The following DGLUCY variants were observed in gnomAD, a reference collection of about 807,000 sequenced individuals.
DGLUCY encodes D-glutamate cyclase.
Under a neutral mutation model 58.5 loss-of-function variants are expected in DGLUCY, and 58 were observed. The observed-to-expected ratio is 0.99, with a 90% CI of 0.80 to 1.23. The LOEUF (loss-of-function observed/expected upper bound fraction) is 1.23. Ranked by LOEUF, DGLUCY falls within the 50% of genes most tolerant of loss-of-function variation. The pLI is 0.00. For synonymous variants in DGLUCY, 325 were observed against 314.1 expected, an observed-to-expected ratio of 1.03 and a Z score of -0.37; for missense variants, 779 against 784.7, an observed-to-expected ratio of 0.99 and a Z score of 0.09.
In DGLUCY at chr14:91,195,825, C is replaced by T. The variant is rs189732245; in HGVS notation, c.1196-550C>T. On this transcript the variant is annotated intron_variant, in intron 9 of 13. Coordinates refer to ENST00000256324, the MANE Select transcript of DGLUCY (RefSeq NM_001102368.3). ...AGCTGGAACTATAGGCGCTTGCCAT[C>T]ACGCCGGGCTAATTTTTTGTATTTT... Among the ~76,000 whole-genome samples the T allele has an allele frequency of 9.2e-5, 14 of 152,140 alleles. No homozygotes were observed. In the East Asian group the frequency reaches 1.9e-3, roughly 21 times the overall value.
At chr14:91,117,716 ATT>A (rs753146733) in intron 1 of DGLUCY, among the ~76,000 whole-genome samples, 1 of 151,992 alleles carries the variant, frequency 6.6e-6, no homozygotes, top group Non-Finnish European at 1.5e-5. Flanking sequence ...GAAGAGACTT[ATT>A]CTGAGGCAAA....
At chr14:91,189,192 G>C in intron 9 of DGLUCY, 22 bp downstream of exon 9, 1 of 1,612,382 alleles carries the variant, frequency 6.2e-7, no homozygotes. Context: ...GATGGGCTTG[G>C]TCCATTTCCC....
upstream of DGLUCY, among the ~76,000 whole-genome samples, chr14:91,113,629 TCA>T (rs946171318): frequency 5.9e-5 from 9 of 152,192 alleles, no homozygotes; most frequent in Non-Finnish European, 1.0e-4. Flanking sequence ...CCCTTGCTAT[TCA>T]CAGTGTGGCC....
At chr14:91,203,824 G>A (rs1290643450) in intron 11 of DGLUCY, among the ~76,000 whole-genome samples, 1 of 152,134 alleles carries the variant, frequency 6.6e-6, no homozygotes, top group Non-Finnish European at 1.5e-5. Flanking sequence ...CTACAGGCAT[G>A]TGCCACCATG....
At chr14:91,086,094 G>A (rs1228902289) in intron 1 of DGLUCY, among the ~76,000 whole-genome samples, 1 of 152,108 alleles carries the variant, frequency 6.6e-6, no homozygotes, top group Admixed American at 6.6e-5. Context: ...CGCATGTGAG[G>A]GATCTAGGTT....
At chr14:91,198,852 G>T (rs1359558670) in intron 10 of DGLUCY, among the ~76,000 whole-genome samples, 2 of 152,114 alleles carry the variant, frequency 1.3e-5, no homozygotes, top group Non-Finnish European at 2.9e-5. Flanking sequence ...GAAAATGAAG[G>T]TTAGGGAGGT....
chr14:91,218,498 G>A (rs146037284), intron 13 of DGLUCY, among the ~76,000 whole-genome samples: 1 of 151,524 alleles, frequency 6.6e-6, no homozygotes, highest in Non-Finnish European at 1.5e-5. Context: ...CGCCTCCCAG[G>A]TTTGAGTGAT....
At chr14:91,145,155 G>C (rs1257208099) in intron 1 of DGLUCY, 1 of 152,162 alleles carries the variant, frequency 6.6e-6, no homozygotes. Flanking sequence ...CTGACACTAG[G>C]CTGGAGGCTT....
At chr14:91,152,583 C>T (rs1251865471) in intron 1 of DGLUCY, among the ~76,000 whole-genome samples, 1 of 152,090 alleles carries the variant, frequency 6.6e-6, no homozygotes, top group South Asian at 2.1e-4. Flanking sequence ...TGCCTTCTTC[C>T]TTGCAGCAAC....
intron 1 of DGLUCY, among the ~76,000 whole-genome samples, chr14:91,079,340 C>CT (rs1227186634): frequency 1.3e-5 from 2 of 151,198 alleles, no homozygotes; most frequent in African/African-American, 2.4e-5. Context: ...AACATTGTTT[C>CT]TTTCTTTTCT....
chr14:91,130,795 A>G (rs2045985641), intron 1 of DGLUCY, among the ~76,000 whole-genome samples: 1 of 151,926 alleles, frequency 6.6e-6, no homozygotes. Context: ...ACAGTGCATA[A>G]TCTTTTCATA....
At chr14:91,195,831 G>A (rs747101066) in intron 9 of DGLUCY, among the ~76,000 whole-genome samples, 1 of 151,782 alleles carries the variant, frequency 6.6e-6, no homozygotes, top group Non-Finnish European at 1.5e-5. Flanking sequence ...CCATCACGCC[G>A]GGCTAATTTT....
chr14:91,085,211 A>T (rs1446545680), intron 1 of DGLUCY, among the ~76,000 whole-genome samples: 2 of 148,146 alleles, frequency 1.4e-5, no homozygotes, highest in African/African-American at 5.1e-5. Context: ...GACAGAGCAA[A>T]ACCCTGTCTC....
chr14:91,162,662 C>T (rs1038149549), intron 3 of DGLUCY, among the ~76,000 whole-genome samples: 4 of 152,106 alleles, frequency 2.6e-5, no homozygotes, highest in African/African-American at 9.7e-5. Context: ...TTTGAGATGC[C>T]AAGGCAAGTG....
At chr14:91,209,750 C>G (rs1200328332) in intron 12 of DGLUCY, among the ~76,000 whole-genome samples, 1 of 151,942 alleles carries the variant, frequency 6.6e-6, no homozygotes, top group African/African-American at 2.4e-5. Context: ...AAAAACAAAC[C>G]AAGATTGAGC....
chr14:91,139,254 T>A (rs2046514886), intron 1 of DGLUCY, among the ~76,000 whole-genome samples: 1 of 152,134 alleles, frequency 6.6e-6, no homozygotes. Flanking sequence ...AATGCTCCCT[T>A]CCTCCTCCTC....
chr14:91,152,800 CTG>C (rs1288274364), intron 1 of DGLUCY, among the ~76,000 whole-genome samples: 1 of 152,204 alleles, frequency 6.6e-6, no homozygotes, highest in Non-Finnish European at 1.5e-5. Context: ...TTTTGTAACA[CTG>C]TGAGTTGTTT....
At chr14:91,223,829 G>C (rs1887845283) in intron 13 of DGLUCY, 1 of 594,264 alleles carries the variant, frequency 1.7e-6, no homozygotes, top group South Asian at 1.9e-5. Flanking sequence ...TCTAAAGGAG[G>C]CATGATGAGT....
At chr14:91,068,420 A>G (rs1426252365) in intron 1 of DGLUCY, among the ~76,000 whole-genome samples, 1 of 152,178 alleles carries the variant, frequency 6.6e-6, no homozygotes, top group Admixed American at 6.5e-5. Flanking sequence ...TGTAATCCCA[A>G]CACTTTGGGA....
Sources: gnomAD v4.1 joint callset for allele counts (sites outside exome capture counted in the v4.1 genomes callset) on GRCh38, gnomAD v4.1.1 for gene constraint, MANE v1.5 for transcripts, NCBI Gene and HGNC (gene_info 2026-07-23, HGNC 2026-07-21) for gene names.